The following NAPB variants were observed in gnomAD, a reference collection of about 807,000 sequenced individuals.
The protein encoded by NAPB is beta-soluble NSF attachment protein.
A neutral mutation model predicts 44.7 loss-of-function variants in NAPB; 26 were observed. The ratio of observed to expected loss-of-function variants is 0.58; its 90% CI spans 0.43 to 0.81. The LOEUF (loss-of-function observed/expected upper bound fraction) is 0.81. NAPB is among the 30% of genes least tolerant of loss of function. NAPB has a pLI of 0.00. For missense variants in NAPB, 315 were observed against 356.4 expected, an observed-to-expected ratio of 0.88 and a Z score of 0.94; for synonymous variants, 120 against 116.8, an observed-to-expected ratio of 1.03 and a Z score of -0.18.
intron 2 of NAPB, among the ~76,000 whole-genome samples, chr20:23,397,735 C>A (rs1282101278): frequency 6.6e-6 from 1 of 151,158 alleles, no homozygotes; most frequent in Non-Finnish European, 1.5e-5. Context: ...AAATTTTTTT[C>A]TTTACTTTAT....
chr20:23,382,389 T>G (rs1983084681), intron 7 of NAPB, among the ~76,000 whole-genome samples: 1 of 152,132 alleles, frequency 6.6e-6, no homozygotes, highest in Admixed American at 6.5e-5. Context: ...AAATGCCCTG[T>G]TTTCAATCAG....
At chr20:23,379,330 G>T in intron 10 of NAPB, 115 bp downstream of exon 10, 1 of 736,646 alleles carries the variant, frequency 1.4e-6, no homozygotes. Context: ...TACAACTTAA[G>T]GTATGCTGGA....
intron 2 of NAPB, among the ~76,000 whole-genome samples, chr20:23,398,854 ATTTT>A (rs34074566): frequency 1.7e-4 from 15 of 90,444 alleles, no homozygotes; most frequent in African/African-American, 6.3e-4. Context: ...CAAAAAAAAA[ATTTT>A]TTTTTTTTTT....
At chr20:23,379,282 T>C in intron 10 of NAPB, 163 bp downstream of exon 10, 1 of 541,482 alleles carries the variant, frequency 1.8e-6, no homozygotes, top group East Asian at 3.0e-5. Flanking sequence ...ATGGAACTGT[T>C]TAATTTGTGT....
At chr20:23,391,141 C>T (rs1218038726) in intron 5 of NAPB, among the ~76,000 whole-genome samples, 1 of 152,122 alleles carries the variant, frequency 6.6e-6, no homozygotes, top group Non-Finnish European at 1.5e-5. Context: ...GAAACCCTGT[C>T]TCTACTAAAA....
intron 1 of NAPB, among the ~76,000 whole-genome samples, chr20:23,410,533 G>C (rs1388577017): frequency 6.6e-6 from 1 of 152,284 alleles, no homozygotes; most frequent in South Asian, 2.1e-4. Flanking sequence ...AGACACTGGG[G>C]ACACTAGCGG....
intron 2 of NAPB, among the ~76,000 whole-genome samples, chr20:23,399,242 C>T (rs1353823049): frequency 2.0e-5 from 3 of 152,016 alleles, no homozygotes; most frequent in Middle Eastern, 3.2e-3. Flanking sequence ...ATGGCAGTAT[C>T]CCCCCAAAAT....
At chr20:23,403,357 C>A (rs905454768) in intron 1 of NAPB, among the ~76,000 whole-genome samples, 1 of 152,160 alleles carries the variant, frequency 6.6e-6, no homozygotes, top group African/African-American at 2.4e-5. Flanking sequence ...AATCCCAGAA[C>A]TTTGGGAGGC....
At chr20:23,392,678 G>A (rs1270589116) in intron 5 of NAPB, among the ~76,000 whole-genome samples, 1 of 140,700 alleles carries the variant, frequency 7.1e-6, no homozygotes, top group Non-Finnish European at 1.6e-5. Context: ...CACCATTCCT[G>A]GATAGTTTTT....
chr20:23,418,983 A>C (rs1986202694), intron 1 of NAPB, among the ~76,000 whole-genome samples: 1 of 152,072 alleles, frequency 6.6e-6, no homozygotes. Context: ...TACGGCTCTG[A>C]AATTCTGGAA....
In NAPB at chr20:23,421,457, G is replaced by A. The variant is rs1398450996; in HGVS notation, c.-55C>T. 45 of 1,475,696 alleles carry A rather than the reference G, an allele frequency of 3.0e-5. No individual in the cohort carries two copies. The highest frequency in any genetic ancestry group is 3.5e-5 in the Non-Finnish European group (38 of 1,100,792). 91.4% of individuals were successfully genotyped at this position (1,475,696 alleles called of 1,614,324 possible). A position where few individuals can be genotyped will look rare whatever the true frequency, so the allele number is the denominator to read the frequency against. ...CAGCCGGCTCGCTGTGCGCCCAGGC[G>A]CCTTAACCCTCCCTCTGGCGGCCGC... On this transcript the variant is annotated 5_prime_UTR_variant, in exon 1 of 11. Coordinates refer to ENST00000377026, the MANE Select transcript of NAPB (RefSeq NM_022080.3).
chr20:23,394,383 G>A (rs978187318), intron 5 of NAPB, among the ~76,000 whole-genome samples: 3 of 152,220 alleles, frequency 2.0e-5, no homozygotes, highest in Admixed American at 6.5e-5. Flanking sequence ...GAAGCCTGTA[G>A]TTTAGCGGGG....
chr20:23,420,024 G>A (rs1986272811), intron 1 of NAPB, among the ~76,000 whole-genome samples: 1 of 152,172 alleles, frequency 6.6e-6, no homozygotes, highest in Non-Finnish European at 1.5e-5. Context: ...AAATAAAATC[G>A]TGTCTAGTCA....
intron 9 of NAPB, 129 bp from the exon 10 acceptor site, chr20:23,379,624 C>A: frequency 1.4e-6 from 1 of 740,340 alleles, no homozygotes; most frequent in Non-Finnish European, 2.2e-6. Context: ...ATATACAAGT[C>A]AAGAGCCAAG....
intron 1 of NAPB, among the ~76,000 whole-genome samples, chr20:23,407,667 T>TA (rs146073080): frequency 0.02 from 3,026 of 152,150 alleles, 82 homozygotes; most frequent in African/African-American, 0.069. Context: ...ACTAAGGAAA[T>TA]AAACTTCTTG....
chr20:23,394,156 T>C (rs1050932180), intron 5 of NAPB, among the ~76,000 whole-genome samples: 1 of 152,122 alleles, frequency 6.6e-6, no homozygotes, highest in Non-Finnish European at 1.5e-5. Flanking sequence ...CAGAGTATGA[T>C]GCAATGCTTA....
intron 7 of NAPB, among the ~76,000 whole-genome samples, chr20:23,387,074 CA>C (rs1444589459): frequency 6.6e-6 from 1 of 151,950 alleles, no homozygotes; most frequent in Non-Finnish European, 1.5e-5. Context: ...TGACAAAGGA[CA>C]AAAACCATGT....
chr20:23,386,942 T>C (rs1457735848), intron 7 of NAPB, among the ~76,000 whole-genome samples: 1 of 152,162 alleles, frequency 6.6e-6, no homozygotes, highest in Non-Finnish European at 1.5e-5. Flanking sequence ...AATGACCAAG[T>C]AGAATTTATT....
chr20:23,388,776 T>G (rs1431398533), intron 7 of NAPB, among the ~76,000 whole-genome samples: 2 of 152,114 alleles, frequency 1.3e-5, no homozygotes, highest in Non-Finnish European at 2.9e-5. Context: ...ATAAAAGACC[T>G]AAACCTAACA....
Sources: allele counts gnomAD v4.1 joint callset (sites outside exome capture counted in the v4.1 genomes callset), GRCh38; gene constraint gnomAD v4.1.1; transcripts MANE v1.5; gene names NCBI Gene and HGNC (gene_info 2026-07-23, HGNC 2026-07-21).